Variants in MECOM observed in about 807,000 individuals in gnomAD.
MECOM encodes the protein histone-lysine N-methyltransferase MECOM.
MECOM carries 13 observed loss-of-function variants against 116.3 expected under a neutral mutation model. That is an observed-to-expected ratio of 0.11 (90% CI 0.07 to 0.18). MECOM has a LOEUF of 0.18. Ranked by LOEUF, MECOM falls within the 10% of genes least tolerant of loss-of-function variation. The pLI, the probability that MECOM is intolerant of heterozygous loss-of-function variation, is 1.00. For missense variants in MECOM, 1,299 were observed against 1,509.0 expected (o/e 0.86, Z 2.31); for synonymous variants, 528 against 535.2 (o/e 0.99, Z 0.19).
At chr3:169,312,621 G>A (rs949521965) in intron 2 of MECOM, among the ~76,000 whole-genome samples, 2 of 152,054 alleles carry the variant, frequency 1.3e-5, no homozygotes, top group African/African-American at 4.8e-5. Flanking sequence ...CTCGTGATCC[G>A]CCCGCCTCGG....
intron 3 of MECOM, among the ~76,000 whole-genome samples, chr3:169,137,372 T>C (rs1736685575): frequency 6.6e-6 from 1 of 152,108 alleles, no homozygotes; most frequent in Non-Finnish European, 1.5e-5. Flanking sequence ...AATTCAGGAA[T>C]GATGTAAATT....
chr3:169,219,400 G>A (rs975128173), intron 2 of MECOM, among the ~76,000 whole-genome samples: 5 of 152,114 alleles, frequency 3.3e-5, no homozygotes, highest in African/African-American at 9.7e-5. Flanking sequence ...CCAGGTACTC[G>A]GGAGGCTGAG....
intron 1 of MECOM, among the ~76,000 whole-genome samples, chr3:169,410,575 CT>C (rs998678078): frequency 1.3e-5 from 2 of 150,930 alleles, no homozygotes; most frequent in Non-Finnish European, 2.9e-5. Context: ...ATGAGTAATA[CT>C]TGTTATCAGA....
chr3:169,634,623 C>T (rs1344310221), intron 1 of MECOM, among the ~76,000 whole-genome samples: 5 of 152,162 alleles, frequency 3.3e-5, no homozygotes, highest in Non-Finnish European at 7.3e-5. Context: ...AATCACAAGG[C>T]ATCCAGACAT....
chr3:169,281,749 C>T (rs776106664), intron 2 of MECOM, among the ~76,000 whole-genome samples: 8 of 152,050 alleles, frequency 5.3e-5, no homozygotes, highest in Non-Finnish European at 1.0e-4. Context: ...GAGGTTGATG[C>T]TACAGTGAGC....
chr3:169,175,461 G>C (rs370778648), intron 2 of MECOM, among the ~76,000 whole-genome samples: 7 of 152,074 alleles, frequency 4.6e-5, no homozygotes, highest in African/African-American at 1.7e-4. Context: ...TGTGCATAAG[G>C]TATATATAAA....
Position 169,122,655 on chromosome 3 carries a change from G to A in MECOM, c.903C>T (p.Asn301=). Residue 301 remains asparagine, a synonymous_variant, in exon 6 of 17, where the codon AAC becomes AAT. Coordinates refer to ENST00000651503, the MANE Select transcript of MECOM (RefSeq NM_004991.4). ...YKCDQCPKAF[N]WKSNLIRHQM... Reference sequence around the variant, plus strand: ...GGTGGCGAATTAAATTGGACTTCCAGTTAAATGCCTTGGGACACTGATCAC... The same window carrying A: ...GGTGGCGAATTAAATTGGACTTCCAATTAAATGCCTTGGGACACTGATCAC... 1 of 1,614,078 alleles carries A rather than the reference G, an allele frequency of 6.2e-7. No homozygotes were observed.
chr3:169,569,629 A>G (rs1490351685), intron 1 of MECOM, among the ~76,000 whole-genome samples: 1 of 152,194 alleles, frequency 6.6e-6, no homozygotes, highest in Non-Finnish European at 1.5e-5. Flanking sequence ...CATAACAAAC[A>G]GTCTCTCAGA....
At chr3:169,204,967 T>C (rs905291972) in intron 2 of MECOM, among the ~76,000 whole-genome samples, 1 of 152,188 alleles carries the variant, frequency 6.6e-6, no homozygotes, top group African/African-American at 2.4e-5. Flanking sequence ...TGTGGGACTC[T>C]GCAAAACCAA....
chr3:169,254,283 C>T (rs1756603227), intron 2 of MECOM, among the ~76,000 whole-genome samples: 1 of 152,134 alleles, frequency 6.6e-6, no homozygotes, highest in African/African-American at 2.4e-5. Context: ...AGTGAAATCC[C>T]ATGAATGGAT....
chr3:169,379,627 G>T (rs1459306133), intron 2 of MECOM, among the ~76,000 whole-genome samples: 1 of 152,040 alleles, frequency 6.6e-6, no homozygotes, highest in East Asian at 1.9e-4. Context: ...GTTTAAAACG[G>T]CACAGTCCTG....
chr3:169,424,641 T>C (rs1266025060), intron 1 of MECOM, among the ~76,000 whole-genome samples: 1 of 152,180 alleles, frequency 6.6e-6, no homozygotes, highest in East Asian at 1.9e-4. Flanking sequence ...CTCACAGAGC[T>C]GCCTTTATTT....
chr3:169,421,824 G>A (rs1292476386), intron 1 of MECOM, among the ~76,000 whole-genome samples: 1 of 152,076 alleles, frequency 6.6e-6, no homozygotes, highest in South Asian at 2.1e-4. Context: ...AAGGTAAGAG[G>A]TGAGAGCCTG....
intron 1 of MECOM, among the ~76,000 whole-genome samples, chr3:169,399,094 T>C (rs935445617): frequency 3.3e-5 from 5 of 152,072 alleles, no homozygotes; most frequent in African/African-American, 7.2e-5. Flanking sequence ...TTAGAGTGAG[T>C]TTTATTTATG....
chr3:169,115,216 CAGAATGAT>C (rs1234522945), intron 8 of MECOM, among the ~76,000 whole-genome samples, 159 bp downstream of exon 8: 8 of 152,118 alleles, frequency 5.3e-5, no homozygotes, highest in African/African-American at 1.9e-4. Context: ...TAAGTTCAAA[CAGAATGAT>C]CCAACTTTCA....
rs533621383 is a variant in MECOM at position 169,125,864 on chromosome 3, A to G, written c.830+1980T>C. On this transcript the variant is annotated intron_variant, in intron 5 of 16. Transcript: ENST00000651503. ...GTTTGCATTCTTTTCTCAAGATTTT[A>G]CATAAAGGATAGACAGCAGAAGAAC... 3.1e-4 allele frequency among the ~76,000 whole-genome samples: 47 copies of G among 152,162 alleles called. 1 individual carries two copies. The South Asian group carries it at 9.5e-3, about 31-fold the overall frequency.
intron 2 of MECOM, among the ~76,000 whole-genome samples, chr3:169,195,178 G>A (rs1254544628): frequency 3.9e-5 from 6 of 152,030 alleles, no homozygotes; most frequent in Non-Finnish European, 7.4e-5. Context: ...AGCTAATCCC[G>A]GATCACACCT....
chr3:169,517,721 C>A (rs1460155276), intron 1 of MECOM, among the ~76,000 whole-genome samples: 1 of 152,088 alleles, frequency 6.6e-6, no homozygotes, highest in Non-Finnish European at 1.5e-5. Context: ...AAAGACACTC[C>A]CAAAACAAGA....
intron 2 of MECOM, among the ~76,000 whole-genome samples, chr3:169,271,547 G>T (rs1340911451): frequency 6.6e-6 from 1 of 152,012 alleles, no homozygotes; most frequent in African/African-American, 2.4e-5. Context: ...CTCATAGGTG[G>T]GAGCTGAACT....
Sources: gnomAD v4.1 joint callset for allele counts (sites outside exome capture counted in the v4.1 genomes callset) on GRCh38, gnomAD v4.1.1 for gene constraint, MANE v1.5 for transcripts, NCBI Gene and HGNC (gene_info 2026-07-23, HGNC 2026-07-21) for gene names.